The following SF3B3 variants were observed in gnomAD, a reference collection of about 807,000 sequenced individuals.
The protein encoded by SF3B3 is splicing factor 3b subunit 3.
Under a neutral mutation model 139.2 loss-of-function variants are expected in SF3B3, and 33 were observed. The observed-to-expected ratio is 0.24, with a 90% CI of 0.18 to 0.32. SF3B3 has a LOEUF of 0.32. Ranked by LOEUF, SF3B3 falls within the 10% of genes least tolerant of loss-of-function variation. SF3B3 has a pLI of 1.00. For synonymous variants in SF3B3, 596 were observed against 563.6 expected (o/e 1.06, Z -0.81); for missense variants, 818 against 1,509.4 (o/e 0.54, Z 7.59).
intron 15 of SF3B3, among the ~76,000 whole-genome samples, chr16:70,557,452 C>T (rs577035837): frequency 2.8e-4 from 43 of 152,306 alleles, no homozygotes; most frequent in African/African-American, 9.1e-4. Context: ...TGTGCTTTAA[C>T]GCTAAGATAG....
At chr16:70,554,968 T>G in intron 12 of SF3B3, 83 bp from the exon 13 acceptor site, 1 of 1,349,624 alleles carries the variant, frequency 7.4e-7, no homozygotes, top group Non-Finnish European at 1.0e-6. Context: ...CTGATTTTAG[T>G]GACAGATCTG....
At chr16:70,565,597 T>A (rs2050468172) in intron 20 of SF3B3, 73 bp downstream of exon 20, 2 of 1,423,442 alleles carry the variant, frequency 1.4e-6, no homozygotes, top group Non-Finnish European at 1.9e-6. Flanking sequence ...ATGTTATGGA[T>A]CAGGTCTTTT....
Position 70,568,442 on chromosome 16 carries a change from C to T in SF3B3, c.3112C>T (p.Leu1038Phe), listed in dbSNP as rs368091604. 3 of 1,613,956 alleles carry T rather than the reference C, an allele frequency of 1.9e-6. No homozygotes were observed. The highest frequency in any genetic ancestry group is 2.5e-6 in the Non-Finnish European group (3 of 1,179,940). ...CCCCCGATGGGTCACTACAGCCAGC[C>T]TCCTGGACTATGACACTGTGGCTGG... ...TYPRWVTTAS[L>F]LDYDTVAGAD... The change falls in exon 22 of 26, where the codon CTC (leucine) becomes TTC (phenylalanine). Residue 1038 changes from leucine (L) to phenylalanine (F), a missense_variant. Leu to Phe is a conservative substitution (Grantham distance 22, BLOSUM62 0). Around this residue, in one of 14 missense-constraint regions of SF3B3, gnomAD observed 91 missense variants for 171.8 expected, o/e 0.53. Coordinates refer to ENST00000302516, the MANE Select transcript of SF3B3 (RefSeq NM_012426.5).
intron 5 of SF3B3, among the ~76,000 whole-genome samples, chr16:70,533,341 TAAAAA>T (rs933144077): frequency 6.8e-6 from 1 of 147,416 alleles, no homozygotes; most frequent in Admixed American, 6.8e-5. Flanking sequence ...AAGTAAATAT[TAAAAA>T]AAAAAGTAAA....
intron 5 of SF3B3, among the ~76,000 whole-genome samples, chr16:70,533,430 A>T (rs2050139579): frequency 6.6e-6 from 1 of 152,260 alleles, no homozygotes; most frequent in Non-Finnish European, 1.5e-5. Context: ...CTACAGTATC[A>T]AAACTAGGGA....
intron 10 of SF3B3, among the ~76,000 whole-genome samples, chr16:70,547,331 G>C (rs1361985028): frequency 2.0e-5 from 3 of 152,146 alleles, no homozygotes; most frequent in Non-Finnish European, 4.4e-5. Context: ...ATTGTCTCTA[G>C]ATCATTTAAA....
chr16:70,559,266 AGT>A (rs1209021521), intron 15 of SF3B3, among the ~76,000 whole-genome samples: 13 of 152,246 alleles, frequency 8.5e-5, no homozygotes, highest in African/African-American at 3.1e-4. Flanking sequence ...GCTTACTATA[AGT>A]ACGGTTCATA....
At chr16:70,550,681 G>T in intron 11 of SF3B3, 1 of 984,868 alleles carries the variant, frequency 1.0e-6, no homozygotes, top group Non-Finnish European at 1.2e-6. Flanking sequence ...CACCACAGGT[G>T]TGTACCTAAC....
At chr16:70,564,902 A>C (rs2050461155) in intron 18 of SF3B3, among the ~76,000 whole-genome samples, 163 bp from the exon 19 acceptor site, 1 of 151,992 alleles carries the variant, frequency 6.6e-6, no homozygotes, top group Non-Finnish European at 1.5e-5. Context: ...TAGTCTGTAC[A>C]CCTCTCCCTT....
Position 70,565,152 on chromosome 16 carries a change from A to G in SF3B3, c.2551A>G (p.Ile851Val). The G allele has an allele frequency of 6.2e-7, 1 of 1,614,176 alleles. No individual in the cohort carries two copies. The highest frequency in any genetic ancestry group is 1.3e-5 in the African/African-American group (1 of 75,040). Residue 851 changes from isoleucine to valine, a missense_variant, in exon 19 of 26, where the codon ATC (isoleucine) becomes GTC (valine). By Grantham distance (29) the Ile-to-Val change is conservative. Coordinates refer to ENST00000302516, the MANE Select transcript of SF3B3 (RefSeq NM_012426.5). ...AFLNENLPES[I>V]FGAPKAGNGQ... is the part of the protein sequence containing the mutation. ...CCTCAATGAAAACCTCCCTGAATCC[A>G]TCTTTGGAGCTCCCAAGGCTGGCAA...
chr16:70,556,526 G>A (rs2151789657), intron 14 of SF3B3, 192 bp downstream of exon 14: 2 of 641,696 alleles, frequency 3.1e-6, no homozygotes, highest in East Asian at 5.4e-5. Flanking sequence ...TTAAGGATAT[G>A]ATCTGAGACT....
At chr16:70,545,480 A>C (rs982324210) in intron 10 of SF3B3, among the ~76,000 whole-genome samples, 9 of 152,196 alleles carry the variant, frequency 5.9e-5, no homozygotes, top group African/African-American at 2.2e-4. Flanking sequence ...ACTAAAAGTT[A>C]TCTTCTTGAA....
rs1385518629 is a variant in SF3B3 at position 70,574,852 on chromosome 16, C to T, written c.*3039C>T. ...CATGTGTTTGAGTCATCCACTTGCT[C>T]ATTTGCATATGGAATATTGTATGTG... On this transcript the variant is annotated 3_prime_UTR_variant, in exon 26 of 26. Transcript: ENST00000302516. The T allele has an allele frequency of 2.6e-5, 4 of 152,204 alleles. No individual in the cohort carries two copies. Among genetic ancestry groups the T allele is most frequent in the African/African-American group, 7.2e-5 (3 of 41,458 alleles). 9.4% of individuals were successfully genotyped at this position (152,204 alleles called of 1,614,324 possible).
intron 13 of SF3B3, 37 bp downstream of exon 13, chr16:70,555,243 A>G (rs1213982121): frequency 6.4e-7 from 1 of 1,563,896 alleles, no homozygotes. Flanking sequence ...GACTTATTGT[A>G]GGGACCAGAG....
intron 5 of SF3B3, among the ~76,000 whole-genome samples, 198 bp downstream of exon 5, chr16:70,532,818 A>G (rs748108298): frequency 7.2e-5 from 11 of 152,222 alleles, no homozygotes; most frequent in Non-Finnish European, 1.3e-4. Flanking sequence ...TAGCTCCTTA[A>G]TAACTCATAT....
At chr16:70,548,321 G>C (rs1279756431) in intron 10 of SF3B3, 49 bp from the exon 11 acceptor site, 1 of 1,444,198 alleles carries the variant, frequency 6.9e-7, no homozygotes. Flanking sequence ...TAAGCAGGTA[G>C]CTGAGTTGCA....
At chr16:70,556,539 A>G in intron 14 of SF3B3, 1 of 630,520 alleles carries the variant, frequency 1.6e-6, no homozygotes, top group Non-Finnish European at 2.7e-6. Context: ...CTGAGACTAC[A>G]GAAATGTTTC....
rs2050576295 is a variant in SF3B3 at position 70,576,006 on chromosome 16, C to G, written c.*4193C>G. 6.6e-6 allele frequency: 1 copy of G among 152,042 alleles called. No individual in the cohort carries two copies. The highest frequency in any genetic ancestry group is 1.5e-5 in the Non-Finnish European group (1 of 68,030). The allele number at this position is 152,042 out of a possible 1,614,324, so 9.4% of individuals were successfully genotyped here. ...CCAGAGGCAGGCAGATTGCTTGAGC[C>G]CAGAAGTTTAAGACCAGCCTAGGAA... On this transcript the variant is annotated 3_prime_UTR_variant, in exon 26 of 26. Coordinates refer to ENST00000302516, the MANE Select transcript of SF3B3 (RefSeq NM_012426.5).
intron 9 of SF3B3, among the ~76,000 whole-genome samples, chr16:70,543,816 C>G (rs1170071720): frequency 6.6e-6 from 1 of 151,902 alleles, no homozygotes; most frequent in African/African-American, 2.4e-5. Context: ...GCATCTGGAT[C>G]CGATCTGAAT....
Sources: allele counts gnomAD v4.1 joint callset (sites outside exome capture counted in the v4.1 genomes callset), GRCh38; gene constraint gnomAD v4.1.1; regional missense constraint gnomAD v4.1.1; transcripts MANE v1.5; gene names NCBI Gene and HGNC (gene_info 2026-07-23, HGNC 2026-07-21).